FKTN: variants seen among roughly 807,000 people sequenced by gnomAD.
The protein encoded by FKTN is fukutin.
FKTN carries 47 observed loss-of-function variants against 58.6 expected under a neutral mutation model. The ratio of observed to expected loss-of-function variants is 0.80; its 90% CI spans 0.63 to 1.02. The LOEUF is 1.02. FKTN is among the 50% of genes least tolerant of loss of function. The pLI, the probability that FKTN is intolerant of heterozygous loss-of-function variation, is 0.00. For synonymous variants in FKTN, 178 were observed against 191.9 expected (o/e 0.93, Z 0.60); for missense variants, 516 against 537.3 (o/e 0.96, Z 0.39).
intron 10 of FKTN, among the ~76,000 whole-genome samples, chr9:105,631,278 G>A (rs576034255): frequency 1.3e-5 from 2 of 152,272 alleles, no homozygotes; most frequent in South Asian, 4.1e-4. Flanking sequence ...TGCTAGCCCT[G>A]CTTCTATTAA....
At chr9:105,606,360 C>G (rs1046590244) in intron 6 of FKTN, among the ~76,000 whole-genome samples, 2 of 151,890 alleles carry the variant, frequency 1.3e-5, no homozygotes, top group Non-Finnish European at 2.9e-5. Flanking sequence ...TTGTGAGAAA[C>G]AGTTATTTGA....
intron 6 of FKTN, 50 bp downstream of exon 6, chr9:105,604,542 T>C: frequency 1.4e-6 from 2 of 1,447,086 alleles, no homozygotes; most frequent in Non-Finnish European, 1.9e-6. Context: ...TGTTCAGTCA[T>C]AATTCTTGCA....
chr9:105,558,253 G>C (rs1345018385), intron 1 of FKTN, 88 bp downstream of exon 1: 1 of 152,366 alleles, frequency 6.6e-6, no homozygotes, highest in African/African-American at 2.4e-5. Flanking sequence ...CCCTTACCGG[G>C]CATCCTCCAG....
rs767577559 is a variant in FKTN at position 105,601,176 on chromosome 9, C to T, written c.197C>T (p.Ser66Phe). The change falls in exon 5 of 11, where the codon TCC becomes TTC. Residue 66 changes from serine to phenylalanine, a missense_variant. Physicochemically the swap from Ser to Phe is radical, Grantham distance 155. Transcript: ENST00000357998. The part of the protein sequence containing the change: ...RAVKKFIMLT[S>F]NQNVPVFLID... ...GTTAAAAAATTTATTATGTTAACAT[C>T]CAACCAAAATGTACCAGTGTTTCTT... The T allele has an allele frequency of 1.2e-6, 2 of 1,609,934 alleles. No homozygotes were observed. The highest frequency in any genetic ancestry group is 1.1e-5 in the South Asian group (1 of 90,888).
At chr9:105,558,250 C>G (rs1025452488) in intron 1 of FKTN, 85 bp downstream of exon 1, 4 of 152,320 alleles carry the variant, frequency 2.6e-5, no homozygotes, top group African/African-American at 4.8e-5. Context: ...GTGCCCTTAC[C>G]GGGCATCCTC....
At chr9:105,630,909 G>T (rs905416582) in intron 10 of FKTN, among the ~76,000 whole-genome samples, 1 of 152,106 alleles carries the variant, frequency 6.6e-6, no homozygotes, top group African/African-American at 2.4e-5. Flanking sequence ...CGAGGCAGGT[G>T]GATCACTTGA....
chr9:105,618,037 ATAT>A lies in FKTN; in HGVS notation c.994_996del (p.Ile332del), dbSNP rs1356576690. The A allele has an allele frequency of 3.7e-6, 6 of 1,607,238 alleles. No individual in the cohort carries two copies. The highest frequency in any genetic ancestry group is 5.1e-6 in the Non-Finnish European group (6 of 1,173,770). Reference sequence around the variant, plus strand: ...ATTTTTATACAAGATTACAAATCTGATATTATTTTAGCATTTCAGGATGCAGGA... The same window carrying A: ...ATTTTTATACAAGATTACAAATCTGATATTTTAGCATTTCAGGATGCAGGA... On this transcript the variant is annotated inframe_deletion, in exon 9 of 11. Transcript: ENST00000357998.
intron 6 of FKTN, among the ~76,000 whole-genome samples, chr9:105,605,878 T>C (rs1235416504): frequency 6.6e-6 from 1 of 152,086 alleles, no homozygotes; most frequent in Admixed American, 6.5e-5. Flanking sequence ...CATTTTAAAA[T>C]AACTAAAAGT....
intron 10 of FKTN, among the ~76,000 whole-genome samples, chr9:105,627,793 T>C (rs1349660695): frequency 6.6e-6 from 1 of 152,202 alleles, no homozygotes. Context: ...GTACTTTTGC[T>C]GATTTGTCTG....
chr9:105,631,612 T>A (rs931665908), intron 10 of FKTN, among the ~76,000 whole-genome samples: 11 of 151,926 alleles, frequency 7.2e-5, no homozygotes, highest in Admixed American at 7.2e-4. Context: ...GTGAAGGACA[T>A]GAACAGACAC....
rs1394388041 is a variant in FKTN at position 105,604,405 on chromosome 9, G to T, written c.560G>T (p.Gly187Val). Residue 187 changes from glycine to valine, a missense_variant, in exon 6 of 11, where the codon GGC (glycine) becomes GTC (valine). By Grantham distance (109) the Gly-to-Val change is moderately radical. Coordinates refer to ENST00000357998, the MANE Select transcript of FKTN (RefSeq NM_001079802.2). The stretch of plus-strand genomic sequence containing the variant: ...AGGAGTGGCAACTACCTCTGGCACG[G>T]CCACTTGAGACTTAAAGAACACATT... ...HERSGNYLWH[G>V]HLRLKEHIDR... 1 of 1,613,950 alleles carries T rather than the reference G, an allele frequency of 6.2e-7. No individual in the cohort carries two copies. Among genetic ancestry groups the T allele is most frequent in the Non-Finnish European group, 8.5e-7 (1 of 1,179,834 alleles).
At chr9:105,569,337 C>A (rs1316397247) in intron 1 of FKTN, among the ~76,000 whole-genome samples, 2 of 152,104 alleles carry the variant, frequency 1.3e-5, no homozygotes, top group Non-Finnish European at 2.9e-5. Flanking sequence ...CTGCTCTTCA[C>A]TGTAGAAAGA....
rs1030930565 is a variant in FKTN, at chr9:105,639,837, C to T, written c.*4573C>T. 7 of 1,282,088 alleles carry T rather than the reference C, an allele frequency of 5.5e-6. No homozygotes were observed. In the Admixed American group the frequency reaches 2.2e-4, roughly 40 times the overall value. 79.4% of individuals were successfully genotyped at this position (1,282,088 alleles called of 1,614,324 possible). A position where few individuals can be genotyped will look rare whatever the true frequency, so the allele number is the denominator to read the frequency against. On this transcript the variant is annotated 3_prime_UTR_variant, in exon 11 of 11. Coordinates refer to ENST00000357998, the MANE Select transcript of FKTN (RefSeq NM_001079802.2). The stretch of plus-strand genomic sequence containing the variant: ...TGCTACCTAGTTTGCTGGTCCCAAG[C>T]AGTTTACTGTACTTCACTAGATTTG...
At chr9:105,620,231 T>C in intron 10 of FKTN, 170 bp downstream of exon 10, 1 of 567,346 alleles carries the variant, frequency 1.8e-6, no homozygotes, top group Non-Finnish European at 3.1e-6. Context: ...GAAGTAAGAA[T>C]ACCTGTAAGG....
At chr9:105,622,088 A>G (rs1832066195) in intron 10 of FKTN, among the ~76,000 whole-genome samples, 1 of 152,112 alleles carries the variant, frequency 6.6e-6, no homozygotes, top group Non-Finnish European at 1.5e-5. Flanking sequence ...CTATCTGTAA[A>G]GAGAGGTAAA....
chr9:105,581,381 T>G (rs1326998639), intron 3 of FKTN, among the ~76,000 whole-genome samples: 2 of 148,438 alleles, frequency 1.3e-5, no homozygotes, highest in Admixed American at 6.7e-5. Flanking sequence ...GTTTTCCTTC[T>G]AACAGACAGG....
chr9:105,563,365 C>T lies in FKTN; in HGVS notation c.-181+5200C>T, dbSNP rs182937269. Among the ~76,000 whole-genome samples the T allele has an allele frequency of 6.6e-3, 992 of 150,466 alleles. 8 individuals are homozygous for T. Among genetic ancestry groups the T allele is most frequent in the African/African-American group, 0.023 (924 of 41,062 alleles). ...AAGCAGGGCAAGGCATCACCTCACC[C>T]GGGAAGTGCAAGGGGTCAGGGAATT... On this transcript the variant is annotated intron_variant, in intron 1 of 10. Coordinates refer to ENST00000357998, the MANE Select transcript of FKTN (RefSeq NM_001079802.2).
chr9:105,574,655 T>C (rs1841351747), intron 2 of FKTN, among the ~76,000 whole-genome samples: 1 of 152,252 alleles, frequency 6.6e-6, no homozygotes, highest in South Asian at 2.1e-4. Flanking sequence ...TCATACCGGA[T>C]TTACTGAATC....
In FKTN at chr9:105,638,329, G is replaced by A. The variant is rs889807592; in HGVS notation, c.*3065G>A. 9 of 985,442 alleles carry A rather than the reference G, an allele frequency of 9.1e-6. No homozygotes were observed. Among genetic ancestry groups the A allele is most frequent in the Non-Finnish European group, 1.1e-5 (9 of 829,922 alleles). 61.0% of individuals were successfully genotyped at this position (985,442 alleles called of 1,614,324 possible). A position where few individuals can be genotyped will look rare whatever the true frequency, so the allele number is the denominator to read the frequency against. Reference sequence around the variant, plus strand: ...TTCAGATTGAGAACCTAAGGCGACAGAGAGGTCAAGGGGAAGTATTTTCTA... The same window carrying A: ...TTCAGATTGAGAACCTAAGGCGACAAAGAGGTCAAGGGGAAGTATTTTCTA... On this transcript the variant is annotated 3_prime_UTR_variant, in exon 11 of 11. Coordinates refer to ENST00000357998, the MANE Select transcript of FKTN (RefSeq NM_001079802.2).
Sources: gnomAD v4.1 joint callset for allele counts (sites outside exome capture counted in the v4.1 genomes callset) on GRCh38, gnomAD v4.1.1 for gene constraint, MANE v1.5 for transcripts, NCBI Gene and HGNC (gene_info 2026-07-23, HGNC 2026-07-21) for gene names.